TIPIN: variants seen among roughly 807,000 people sequenced by gnomAD.
TIPIN encodes the protein TIMELESS-interacting protein.
TIPIN carries 29 observed loss-of-function variants against 35.6 expected under a neutral mutation model. The observed-to-expected ratio is 0.82, with a 90% CI of 0.61 to 1.11. The LOEUF (loss-of-function observed/expected upper bound fraction) is 1.11, where lower values mean the gene tolerates loss of function less well. TIPIN is among the 50% of genes most tolerant of loss of function. TIPIN has a pLI of 0.00. For missense variants in TIPIN, 296 were observed against 345.4 expected (o/e 0.86, Z 1.13); for synonymous variants, 102 against 121.5 (o/e 0.84, Z 1.06).
intron 1 of TIPIN, among the ~76,000 whole-genome samples, chr15:66,381,951 G>A (rs1287001606): frequency 1.3e-5 from 2 of 152,116 alleles, no homozygotes; most frequent in Non-Finnish European, 2.9e-5. Context: ...TGTAATCCCA[G>A]CTACTTGGGA....
At chr15:66,342,830 C>A (rs2093098230) in intron 6 of TIPIN, among the ~76,000 whole-genome samples, 1 of 152,114 alleles carries the variant, frequency 6.6e-6, no homozygotes, top group African/African-American at 2.4e-5. Context: ...CCCTGTAAAC[C>A]AGTTAACTCA....
chr15:66,353,003 A>C, intron 1 of TIPIN, 48 bp from the exon 2 acceptor site: 1 of 1,563,956 alleles, frequency 6.4e-7, no homozygotes, highest in South Asian at 1.2e-5. Flanking sequence ...AATAGTCTCC[A>C]CTATATAGAC....
chr15:66,372,155 C>A (rs553194093), intron 1 of TIPIN, among the ~76,000 whole-genome samples: 1 of 152,094 alleles, frequency 6.6e-6, no homozygotes, highest in Admixed American at 6.6e-5. Context: ...ATGAATGGAA[C>A]ACACTGTGTA....
At chr15:66,362,539 G>A (rs2093236118) in intron 1 of TIPIN, among the ~76,000 whole-genome samples, 1 of 151,740 alleles carries the variant, frequency 6.6e-6, no homozygotes, top group Non-Finnish European at 1.5e-5. Flanking sequence ...TGGCCAACAT[G>A]GGGAAACCCC....
At chr15:66,363,536 G>A (rs1017290648) in intron 1 of TIPIN, among the ~76,000 whole-genome samples, 1 of 152,010 alleles carries the variant, frequency 6.6e-6, no homozygotes, top group Non-Finnish European at 1.5e-5. Flanking sequence ...CAGCTACTCA[G>A]GAGGCTGAGG....
intron 4 of TIPIN, among the ~76,000 whole-genome samples, chr15:66,351,290 C>A (rs1485507743): frequency 6.6e-6 from 1 of 152,180 alleles, no homozygotes; most frequent in African/African-American, 2.4e-5. Context: ...ACTTTACAGA[C>A]ACAGGTGTGA....
At chr15:66,371,497 T>A (rs1426311161) in intron 1 of TIPIN, 1 of 579,454 alleles carries the variant, frequency 1.7e-6, no homozygotes, top group African/African-American at 2.0e-5. Context: ...TATTTATTTT[T>A]CTTTTCTCTG....
At chr15:66,371,168 G>A (rs915589028) in intron 1 of TIPIN, 10 of 904,972 alleles carry the variant, frequency 1.1e-5, no homozygotes, top group South Asian at 5.1e-5. Flanking sequence ...CTGAGATCTC[G>A]CCATTGCACT....
At chr15:66,338,688 C>G (rs1470969577) in intron 7 of TIPIN, among the ~76,000 whole-genome samples, 1 of 151,584 alleles carries the variant, frequency 6.6e-6, no homozygotes, top group Non-Finnish European at 1.5e-5. Flanking sequence ...GTGGCAGGCA[C>G]CTGTAGTCCC....
rs1427220808 is a variant in TIPIN at position 66,352,919 on chromosome 15, A to G, written c.29T>C (p.Ile10Thr). Reference protein sequence around the residue: MLEPQENGVIDLPDYEHVED... With the variant: MLEPQENGVTDLPDYEHVED... ...TACATGCTCATAATCTGGTAGGTCA[A>G]TCACGCCATTCTCCTGTGGTTCTAG... is the stretch of plus-strand genomic sequence containing the variant. The change falls in exon 2 of 8, where the codon ATT (isoleucine) becomes ACT (threonine). Residue 10 changes from isoleucine to threonine, a missense_variant. Ile to Thr is a moderately conservative substitution (Grantham distance 89). Transcript: ENST00000261881. 6.2e-7 allele frequency: 1 copy of G among 1,613,988 alleles called. No individual in the cohort carries two copies. The highest frequency in any genetic ancestry group is 1.3e-5 in the African/African-American group (1 of 74,918).
At chr15:66,375,284 C>G (rs1415958595) in intron 1 of TIPIN, among the ~76,000 whole-genome samples, 6 of 151,782 alleles carry the variant, frequency 4.0e-5, no homozygotes, top group Non-Finnish European at 8.8e-5. Flanking sequence ...AGTAAGACCC[C>G]TCCTCTTAAA....
intron 1 of TIPIN, among the ~76,000 whole-genome samples, chr15:66,373,928 C>T (rs536432382): frequency 6.6e-6 from 1 of 152,166 alleles, no homozygotes. Flanking sequence ...GTCTTGAACT[C>T]CTGGGCTCAA....
chr15:66,352,756 C>A (rs944747264), intron 2 of TIPIN, 59 bp downstream of exon 2: 5 of 1,504,898 alleles, frequency 3.3e-6, no homozygotes, highest in Middle Eastern at 2.5e-4. Context: ...GCTGGAATTA[C>A]AGGCATGAGC....
intron 3 of TIPIN, among the ~76,000 whole-genome samples, chr15:66,351,834 T>C (rs965184813): frequency 6.6e-6 from 1 of 151,810 alleles, no homozygotes; most frequent in Admixed American, 6.6e-5. Context: ...AGAGACGGGG[T>C]TTCACCGTAT....
At chr15:66,350,020 G>A (rs907820747) in intron 4 of TIPIN, among the ~76,000 whole-genome samples, 1 of 151,874 alleles carries the variant, frequency 6.6e-6, no homozygotes, top group Non-Finnish European at 1.5e-5. Flanking sequence ...GAAGTGCAAG[G>A]GCGCAATCTT....
At chr15:66,361,883 G>C (rs2093232831) in intron 1 of TIPIN, among the ~76,000 whole-genome samples, 1 of 152,078 alleles carries the variant, frequency 6.6e-6, no homozygotes, top group African/African-American at 2.4e-5. Flanking sequence ...GTGCATGCCT[G>C]TAGGAGAATC....
intron 1 of TIPIN, among the ~76,000 whole-genome samples, chr15:66,371,739 G>C (rs917803695): frequency 6.6e-6 from 1 of 151,682 alleles, no homozygotes; most frequent in Non-Finnish European, 1.5e-5. Flanking sequence ...GAATGGTCTC[G>C]ATCTCCTGAC....
intron 1 of TIPIN, chr15:66,379,487 T>C: frequency 6.2e-7 from 1 of 1,609,000 alleles, no homozygotes; most frequent in Non-Finnish European, 8.5e-7. Context: ...CAAAGATTAA[T>C]TCATCTTTCT....
chr15:66,355,726 G>A (rs2093200173), intron 1 of TIPIN, among the ~76,000 whole-genome samples: 1 of 152,152 alleles, frequency 6.6e-6, no homozygotes, highest in Admixed American at 6.5e-5. Flanking sequence ...ACTCCAGCCT[G>A]AGCGAAAGAG....
Sources: allele counts gnomAD v4.1 joint callset (sites outside exome capture counted in the v4.1 genomes callset), GRCh38; gene constraint gnomAD v4.1.1; transcripts MANE v1.5; gene names NCBI Gene and HGNC (gene_info 2026-07-23, HGNC 2026-07-21).